Variants in MIB1 observed in about 807,000 individuals in gnomAD.
The protein encoded by MIB1 is E3 ubiquitin-protein ligase MIB1.
MIB1 carries 278 observed loss-of-function variants against 124.5 expected under a neutral mutation model. The ratio of observed to expected loss-of-function variants is 2.23; its 90% CI spans 2.02 to 2.47. The LOEUF (loss-of-function observed/expected upper bound fraction) is 2.47. MIB1 is among the 30% of genes most tolerant of loss of function. The probability of loss-of-function intolerance (pLI) is 0.00; values close to 1 mark genes in which losing one functional copy is unlikely to be tolerated. For synonymous variants in MIB1, 446 were observed against 429.4 expected, an observed-to-expected ratio of 1.04 and a Z score of -0.48; for missense variants, 957 against 1,254.4, an observed-to-expected ratio of 0.76 and a Z score of 3.58.
At chr18:21,797,221 G>A (rs781196105) in intron 7 of MIB1, among the ~76,000 whole-genome samples, 1 of 152,046 alleles carries the variant, frequency 6.6e-6, no homozygotes, top group Non-Finnish European at 1.5e-5. Context: ...GGAGAGAATG[G>A]GTAGGGGAAT....
intron 3 of MIB1, among the ~76,000 whole-genome samples, chr18:21,770,974 A>G (rs1381938889): frequency 6.6e-6 from 1 of 152,154 alleles, no homozygotes; most frequent in East Asian, 1.9e-4. Context: ...AGATAGATTC[A>G]GGTTCAATTT....
intron 1 of MIB1, among the ~76,000 whole-genome samples, chr18:21,732,278 AG>A (rs1222194617): frequency 6.6e-6 from 1 of 151,754 alleles, no homozygotes; most frequent in Non-Finnish European, 1.5e-5. Flanking sequence ...CAGTGAGCCG[AG>A]ATCATGTCTC....
chr18:21,748,180 T>A (rs2040931937), intron 1 of MIB1, among the ~76,000 whole-genome samples: 1 of 152,188 alleles, frequency 6.6e-6, no homozygotes, highest in Non-Finnish European at 1.5e-5. Context: ...CTTTTTCTTT[T>A]ATAGTATAGT....
chr18:21,778,598 TA>T (rs982237573), intron 5 of MIB1, among the ~76,000 whole-genome samples: 3 of 151,488 alleles, frequency 2.0e-5, no homozygotes. Flanking sequence ...ATCATTAAAA[TA>T]AAAAAAAGGG....
intron 1 of MIB1, 139 bp from the exon 2 acceptor site, chr18:21,765,633 G>A: frequency 1.3e-6 from 1 of 741,248 alleles, no homozygotes. Context: ...GAAGCTATAT[G>A]TGTTAAATTT....
rs373923158 is a variant in MIB1, at chr18:21,816,936, C to T, written c.1677+1123C>T. ...AGGAGAGGTGATTTATACCTGCTGA[C>T]GTTTTTTGTCTGAAATGGGAGACAA... On this transcript the variant is annotated intron_variant, in intron 11 of 20. Transcript: ENST00000261537. Among the ~76,000 whole-genome samples the T allele has an allele frequency of 1.5e-4, 23 of 151,944 alleles. No individual in the cohort carries two copies. The South Asian group carries it at 4.4e-3, about 29-fold the overall frequency.
At chr18:21,737,578 A>G (rs542801881), upstream of MIB1, among the ~76,000 whole-genome samples, 2 of 152,294 alleles carry the variant, frequency 1.3e-5, no homozygotes, top group South Asian at 4.1e-4. Context: ...AAAGACACAC[A>G]CTGGCAAATT....
chr18:21,849,417 C>T (rs1862590246), intron 17 of MIB1, 29 bp downstream of exon 17: 2 of 1,339,064 alleles, frequency 1.5e-6, no homozygotes, highest in African/African-American at 3.0e-5. Flanking sequence ...AGTATTTTGT[C>T]ATTTTATGAA....
intron 6 of MIB1, among the ~76,000 whole-genome samples, chr18:21,783,243 C>G (rs2041391494): frequency 6.7e-6 from 1 of 150,088 alleles, no homozygotes; most frequent in Non-Finnish European, 1.5e-5. Context: ...CCACTCTATG[C>G]CTTTTTTTTT....
chr18:21,797,916 T>A (rs2041602750), intron 7 of MIB1, among the ~76,000 whole-genome samples, 168 bp from the exon 8 acceptor site: 1 of 152,112 alleles, frequency 6.6e-6, no homozygotes, highest in Admixed American at 6.6e-5. Flanking sequence ...TAAAAGATAT[T>A]TTTTAACATT....
intron 6 of MIB1, among the ~76,000 whole-genome samples, chr18:21,781,657 C>T (rs998672285): frequency 3.3e-5 from 5 of 151,620 alleles, no homozygotes; most frequent in East Asian, 1.9e-4. Context: ...TCAAGTGATC[C>T]GCCCACCTTG....
In MIB1 at chr18:21,870,113, T is replaced by C. The variant is rs2042345331; in HGVS notation, c.*5447T>C. The C allele has an allele frequency of 6.6e-6, 1 of 152,576 alleles. No individual in the cohort carries two copies. Among genetic ancestry groups the C allele is most frequent in the East Asian group, 1.9e-4 (1 of 5,200 alleles). 9.5% of individuals were successfully genotyped at this position (152,576 alleles called of 1,614,324 possible). A position where few individuals can be genotyped will look rare whatever the true frequency, so the allele number is the denominator to read the frequency against. On this transcript the variant is annotated 3_prime_UTR_variant, in exon 21 of 21. Transcript: ENST00000261537. The stretch of plus-strand genomic sequence containing the variant: ...TTGTTAAAGAATGCTTAGTAAGAGC[T>C]AAGCTTTTAAAAGTAATGCAAACAT...
At chr18:21,730,686 C>T (rs2040765326) in intron 1 of MIB1, among the ~76,000 whole-genome samples, 1 of 152,222 alleles carries the variant, frequency 6.6e-6, no homozygotes, top group South Asian at 2.1e-4. Context: ...ACCATCTTCT[C>T]TCAATATTAG....
intron 20 of MIB1, among the ~76,000 whole-genome samples, chr18:21,863,998 C>G (rs866876390): frequency 5.6e-4 from 85 of 151,790 alleles, no homozygotes; most frequent in African/African-American, 2.0e-3. Flanking sequence ...GAGTGAGACT[C>G]CATCTCAAAA....
At chr18:21,864,473 C>T in intron 20 of MIB1, 53 bp from the exon 21 acceptor site, 1 of 1,410,560 alleles carries the variant, frequency 7.1e-7, no homozygotes, top group Admixed American at 1.8e-5. Context: ...AACAGTCTGT[C>T]ACTTTCCAAA....
intron 18 of MIB1, among the ~76,000 whole-genome samples, chr18:21,856,085 C>T (rs1178055305): frequency 6.6e-6 from 1 of 151,206 alleles, no homozygotes; most frequent in Non-Finnish European, 1.5e-5. Flanking sequence ...AAAAAATTAG[C>T]CGGGCGCGGT....
intron 6 of MIB1, among the ~76,000 whole-genome samples, chr18:21,785,706 A>G (rs2041427380): frequency 1.3e-5 from 2 of 152,074 alleles, no homozygotes; most frequent in Admixed American, 1.3e-4. Flanking sequence ...TTTACCAGGG[A>G]ATTTTGTATC....
At chr18:21,797,287 A>G (rs1414949156) in intron 7 of MIB1, among the ~76,000 whole-genome samples, 2 of 152,164 alleles carry the variant, frequency 1.3e-5, no homozygotes, top group African/African-American at 2.4e-5. Context: ...TGATGGGTAC[A>G]TGAGGATTCA....
At chr18:21,840,653 A>T (rs200197302) in intron 13 of MIB1, among the ~76,000 whole-genome samples, 1 of 27,928 alleles carries the variant, frequency 3.6e-5, no homozygotes, top group South Asian at 1.9e-3. Flanking sequence ...ATATATATAT[A>T]TATATATATA....
Sources: gnomAD v4.1 joint callset for allele counts (sites outside exome capture counted in the v4.1 genomes callset) on GRCh38, gnomAD v4.1.1 for gene constraint, MANE v1.5 for transcripts, NCBI Gene and HGNC (gene_info 2026-07-23, HGNC 2026-07-21) for gene names.